Variants in ACBD3 observed in about 807,000 individuals in gnomAD.
The protein encoded by ACBD3 is acyl-CoA binding domain containing 3, also known as Golgi resident protein GCP60.
ACBD3 carries 30 observed loss-of-function variants against 66.9 expected under a neutral mutation model. The ratio of observed to expected loss-of-function variants is 0.45; its 90% CI spans 0.34 to 0.61. The LOEUF (loss-of-function observed/expected upper bound fraction) is 0.61, where lower values mean the gene tolerates loss of function less well. Ranked by LOEUF, ACBD3 falls within the 20% of genes least tolerant of loss-of-function variation. The probability of loss-of-function intolerance (pLI) is 0.02; values close to 1 mark genes in which losing one functional copy is unlikely to be tolerated. For missense variants in ACBD3, 544 were observed against 664.5 expected (o/e 0.82, Z 1.99); for synonymous variants, 278 against 259.8 (o/e 1.07, Z -0.68).
chr1:226,163,533 T>C (rs1384929052), intron 3 of ACBD3, among the ~76,000 whole-genome samples: 1 of 152,192 alleles, frequency 6.6e-6, no homozygotes, highest in Admixed American at 6.5e-5. Flanking sequence ...AAATATCTTC[T>C]GAAAATGTAA....
At position 226,145,012 on chromosome 1, in the gene ACBD3, G is replaced by A. The variant is rs1346499060; in HGVS notation, c.*1598C>T. The A allele has an allele frequency of 2.0e-5, 3 of 152,478 alleles. No homozygotes were observed. The highest frequency in any genetic ancestry group is 4.4e-5 in the Non-Finnish European group (3 of 68,014). 9.4% of individuals were successfully genotyped at this position (152,478 alleles called of 1,614,324 possible). ...CTCATAAAAAAAAAATCCAGGAAGT[G>A]CCTAACTCCATGGTTTCTATACCAT... is the stretch of plus-strand genomic sequence containing the variant. On this transcript the variant is annotated 3_prime_UTR_variant, in exon 8 of 8. Coordinates refer to ENST00000366812, the MANE Select transcript of ACBD3 (RefSeq NM_022735.4).
intron 1 of ACBD3, among the ~76,000 whole-genome samples, chr1:226,172,712 A>C (rs150947786): frequency 1.3e-3 from 194 of 152,286 alleles, no homozygotes; most frequent in African/African-American, 4.5e-3. Context: ...TGGGAGGCTG[A>C]AGGGGGAGGA....
intron 7 of ACBD3, chr1:226,148,088 A>G (rs1233061447): frequency 6.6e-6 from 1 of 152,212 alleles, no homozygotes; most frequent in Non-Finnish European, 1.5e-5. Flanking sequence ...AGAAATTCTC[A>G]CCGTCTATAG....
intron 1 of ACBD3, among the ~76,000 whole-genome samples, chr1:226,179,809 G>A (rs1308948067): frequency 6.6e-6 from 1 of 151,930 alleles, no homozygotes; most frequent in East Asian, 1.9e-4. Flanking sequence ...AGTGAGCTGA[G>A]ATCGCACCAC....
chr1:226,160,722 TG>T (rs1283698383), intron 4 of ACBD3, among the ~76,000 whole-genome samples: 1 of 152,224 alleles, frequency 6.6e-6, no homozygotes, highest in African/African-American at 2.4e-5. Context: ...CAGTGTTTTA[TG>T]GGTGTTAATC....
At chr1:226,181,623 T>C (rs538326221) in intron 1 of ACBD3, among the ~76,000 whole-genome samples, 19 of 152,264 alleles carry the variant, frequency 1.2e-4, no homozygotes, top group Admixed American at 1.2e-3. Context: ...TCTTGGAGGA[T>C]TAAACAAAAT....
chr1:226,169,651 C>T (rs1176711001), intron 1 of ACBD3, among the ~76,000 whole-genome samples: 4 of 139,678 alleles, frequency 2.9e-5, no homozygotes, highest in Non-Finnish European at 6.0e-5. Context: ...ACCTCGTGAT[C>T]GGCCTGCCTC....
chr1:226,166,701 G>A (rs1659884819), intron 1 of ACBD3, among the ~76,000 whole-genome samples: 1 of 152,056 alleles, frequency 6.6e-6, no homozygotes, highest in Admixed American at 6.6e-5. Flanking sequence ...TGCCCAGGCT[G>A]GTCTCGGACT....
chr1:226,172,594 A>G (rs1655857941), intron 1 of ACBD3, among the ~76,000 whole-genome samples: 1 of 152,100 alleles, frequency 6.6e-6, no homozygotes, highest in South Asian at 2.1e-4. Context: ...TTACTACTGA[A>G]TCTCCAAATT....
chr1:226,174,345 C>T (rs1400840675), intron 1 of ACBD3, among the ~76,000 whole-genome samples: 4 of 152,146 alleles, frequency 2.6e-5, no homozygotes, highest in Admixed American at 1.3e-4. Context: ...AAACCAAACA[C>T]AAATTCTGCT....
rs1017719150 is a variant in ACBD3 at position 226,145,257 on chromosome 1, TCAAA to T, written c.*1349_*1352del. ...GAAAGAAATACAGCACACAAAAAAC[TCAAA>T]CAACCCATATGTAGTGAACTGTATA... On this transcript the variant is annotated 3_prime_UTR_variant, in exon 8 of 8. Coordinates refer to ENST00000366812, the MANE Select transcript of ACBD3 (RefSeq NM_022735.4). 4 of 152,566 alleles carry T rather than the reference TCAAA, an allele frequency of 2.6e-5. No individual in the cohort carries two copies. The highest frequency in any genetic ancestry group is 9.6e-5 in the African/African-American group (4 of 41,522). The allele number at this position is 152,566 out of a possible 1,614,324, so 9.5% of individuals were successfully genotyped here.
intron 4 of ACBD3, among the ~76,000 whole-genome samples, chr1:226,159,574 G>C (rs554136925): frequency 6.6e-6 from 1 of 152,056 alleles, no homozygotes; most frequent in South Asian, 2.1e-4. Flanking sequence ...AGGAAAATTC[G>C]GGATGGAAGA....
Position 226,159,308 on chromosome 1 carries a change from T to G in ACBD3, c.779A>C (p.Gln260Pro). The G allele has an allele frequency of 6.2e-7, 1 of 1,614,214 alleles. No homozygotes were observed. Among genetic ancestry groups the G allele is most frequent in the Non-Finnish European group, 8.5e-7 (1 of 1,180,038 alleles). Residue 260 changes from glutamine (Q) to proline (P), a missense_variant, in exon 5 of 8, where the codon CAG becomes CCG. By Grantham distance (76) the Gln-to-Pro change is moderately conservative. Around this residue, in one of 3 missense-constraint regions of ACBD3, gnomAD observed 383 missense variants for 462.4 expected, o/e 0.83. Transcript: ENST00000366812. ...CCCTGGATACTGTTGGGCTGCATAC[T>G]GCTGGAACTGCACGGCAGTCTGGGA... ...LNSQTAVQFQQYAAQQYPGNY... is the reference protein window; with the variant it reads ...LNSQTAVQFQPYAAQQYPGNY...
chr1:226,148,841 G>A (rs973717368), intron 7 of ACBD3, among the ~76,000 whole-genome samples: 15 of 152,168 alleles, frequency 9.9e-5, no homozygotes, highest in Non-Finnish European at 2.2e-4. Context: ...TACAATTTGT[G>A]AGCTAAATCT....
chr1:226,156,566 A>G (rs1180401733), intron 5 of ACBD3, among the ~76,000 whole-genome samples: 2 of 152,208 alleles, frequency 1.3e-5, no homozygotes, highest in African/African-American at 4.8e-5. Context: ...CCCATGGGGT[A>G]GGGATAATGA....
chr1:226,152,787 C>A (rs1659603083), intron 6 of ACBD3, among the ~76,000 whole-genome samples, 168 bp from the exon 7 acceptor site: 3 of 152,202 alleles, frequency 2.0e-5, no homozygotes, highest in Non-Finnish European at 4.4e-5. Flanking sequence ...GGGAGTCTCT[C>A]CAGATTACTA....
chr1:226,176,653 A>G (rs1656040760), intron 1 of ACBD3, among the ~76,000 whole-genome samples: 1 of 152,196 alleles, frequency 6.6e-6, no homozygotes, highest in Non-Finnish European at 1.5e-5. Context: ...GAGGGCACTC[A>G]GAAAAGCACG....
At chr1:226,162,569 T>C (rs1044807286) in intron 3 of ACBD3, among the ~76,000 whole-genome samples, 1 of 152,126 alleles carries the variant, frequency 6.6e-6, no homozygotes, top group African/African-American at 2.4e-5. Context: ...ACAGATCCTA[T>C]TGTGCTAGGA....
At chr1:226,177,078 T>C (rs1336256518) in intron 1 of ACBD3, among the ~76,000 whole-genome samples, 1 of 151,708 alleles carries the variant, frequency 6.6e-6, no homozygotes, top group Non-Finnish European at 1.5e-5. Context: ...ATTCCTGATA[T>C]GAGGAAAGTG....
Sources: allele counts gnomAD v4.1 joint callset (sites outside exome capture counted in the v4.1 genomes callset), GRCh38; gene constraint gnomAD v4.1.1; regional missense constraint gnomAD v4.1.1; transcripts MANE v1.5; gene names NCBI Gene and HGNC (gene_info 2026-07-23, HGNC 2026-07-21).